The following ATL1 variants were observed in gnomAD, a reference collection of about 807,000 sequenced individuals.
ATL1 encodes the protein atlastin-1.
Under a neutral mutation model 75.5 loss-of-function variants are expected in ATL1, and 31 were observed. The ratio of observed to expected loss-of-function variants is 0.41; its 90% confidence interval spans 0.31 to 0.55. ATL1 has a LOEUF of 0.55. Among genes scored for constraint, ATL1 ranks in the 20% least tolerant of loss-of-function variants. The pLI, the probability that ATL1 is intolerant of heterozygous loss-of-function variation, is 0.27. For synonymous variants in ATL1, 226 were observed against 233.3 expected, an observed-to-expected ratio of 0.97 and a Z score of 0.28; for missense variants, 405 against 662.6, an observed-to-expected ratio of 0.61 and a Z score of 4.27.
At chr14:50,628,658 T>A (rs2039546925) in intron 12 of ATL1, 196 bp downstream of exon 12, 1 of 718,914 alleles carries the variant, frequency 1.4e-6, no homozygotes, top group Admixed American at 2.0e-5. Flanking sequence ...ACAACTATTT[T>A]CCAGTTAACA....
chr14:50,629,980 C>T lies in ATL1; in HGVS notation c.1552-15C>T. On this transcript the variant is annotated splice_polypyrimidine_tract_variant and intron_variant, in intron 12 of 13. Transcript: ENST00000358385. The stretch of plus-strand genomic sequence containing the variant: ...TATACTTTTCTTTTTTCTTTTTAAT[C>T]TGCCTTTGCCACAGGGAAGTACAAA... The T allele has an allele frequency of 6.3e-7, 1 of 1,584,716 alleles. No homozygotes were observed. The highest frequency in any genetic ancestry group is 8.6e-7 in the Non-Finnish European group (1 of 1,161,526).
In ATL1 at chr14:50,621,844, C is replaced by T. The variant is rs573010386; in HGVS notation, c.992C>T (p.Ala331Val). The part of the protein sequence containing the change: ...TCRGLVEYFK[A>V]YIKIYQGEEL... ...ATGAATCTTTTTCTTTTTTTTTAGG[C>T]TTATATAAAGATCTATCAAGGTGAA... Residue 331 changes from alanine (A) to valine (V), a missense_variant and splice_region_variant, in exon 10 of 14, where the codon GCT becomes GTT. Transcript: ENST00000358385. 1.9e-6 allele frequency: 3 copies of T among 1,568,820 alleles called. No individual in the cohort carries two copies. Among genetic ancestry groups the T allele is most frequent in the Admixed American group, 3.4e-5 (2 of 59,426 alleles).
At chr14:50,535,848 C>T (rs1466917562) in intron 1 of ATL1, among the ~76,000 whole-genome samples, 1 of 152,120 alleles carries the variant, frequency 6.6e-6, no homozygotes, top group Non-Finnish European at 1.5e-5. Flanking sequence ...TGAATTCCCA[C>T]GTGTTGTGGG....
chr14:50,553,270 CAA>C (rs35423067), intron 1 of ATL1, among the ~76,000 whole-genome samples: 10 of 103,126 alleles, frequency 9.7e-5, no homozygotes, highest in Middle Eastern at 4.8e-3. Context: ...GACTCCGTTT[CAA>C]AAAAAAAAAA....
chr14:50,540,220 A>G (rs185925696), intron 1 of ATL1, among the ~76,000 whole-genome samples: 3 of 152,350 alleles, frequency 2.0e-5, no homozygotes, highest in African/African-American at 4.8e-5. Context: ...TTTGATTGCA[A>G]GGATAGGTGG....
chr14:50,572,334 A>G (rs988254480), intron 1 of ATL1, among the ~76,000 whole-genome samples: 4 of 151,952 alleles, frequency 2.6e-5, no homozygotes, highest in African/African-American at 9.7e-5. Context: ...AGTCTATTAA[A>G]CCTCCTGGAC....
chr14:50,631,423 G>A (rs1169182269), intron 13 of ATL1, among the ~76,000 whole-genome samples: 1 of 152,010 alleles, frequency 6.6e-6, no homozygotes, highest in East Asian at 1.9e-4. Context: ...GACTCTTTAC[G>A]AACTCCAGAA....
chr14:50,628,674 G>T, intron 12 of ATL1: 1 of 704,724 alleles, frequency 1.4e-6, no homozygotes, highest in East Asian at 2.8e-5. Context: ...TAACATTTCA[G>T]CATTTAAAAA....
intron 1 of ATL1, among the ~76,000 whole-genome samples, chr14:50,581,444 T>C (rs1320682333): frequency 1.3e-5 from 2 of 152,166 alleles, no homozygotes; most frequent in Non-Finnish European, 2.9e-5. Context: ...TAATGGCTTT[T>C]CATAAAGCTA....
chr14:50,538,351 C>T (rs1466968426), intron 1 of ATL1, among the ~76,000 whole-genome samples: 6 of 152,110 alleles, frequency 3.9e-5, no homozygotes, highest in South Asian at 2.1e-4. Context: ...GTCTTGGGTA[C>T]GTCTTTATCA....
chr14:50,551,448 AAAG>A (rs1417615344), intron 1 of ATL1, among the ~76,000 whole-genome samples: 7 of 152,200 alleles, frequency 4.6e-5, no homozygotes, highest in Admixed American at 2.0e-4. Context: ...TCAGACATTC[AAAG>A]AAGAATTGGT....
upstream of ATL1, among the ~76,000 whole-genome samples, chr14:50,555,524 T>A (rs2038755508): frequency 6.6e-6 from 1 of 152,210 alleles, no homozygotes. Context: ...GCTCAGGCAA[T>A]CTGCCCGCCT....
intron 1 of ATL1, 40 bp downstream of exon 1, chr14:50,560,339 C>G (rs372224898): frequency 6.2e-7 from 1 of 1,609,138 alleles, no homozygotes; most frequent in Non-Finnish European, 8.5e-7. Flanking sequence ...TGCACGGGGT[C>G]TTCTGGCCCT....
At chr14:50,536,959 A>G (rs774756230) in intron 1 of ATL1, among the ~76,000 whole-genome samples, 29 of 152,272 alleles carry the variant, frequency 1.9e-4, no homozygotes, top group Non-Finnish European at 3.8e-4. Flanking sequence ...TTTTCTGAGG[A>G]AAAATTCAAG....
intron 11 of ATL1, 98 bp downstream of exon 11, chr14:50,623,346 C>A: frequency 1.1e-6 from 1 of 931,612 alleles, no homozygotes; most frequent in Non-Finnish European, 1.7e-6. Context: ...TACACACATG[C>A]AATGAGGTGG....
chr14:50,608,236 CTG>C (rs2039332885), intron 6 of ATL1, among the ~76,000 whole-genome samples: 1 of 151,734 alleles, frequency 6.6e-6, no homozygotes, highest in Non-Finnish European at 1.5e-5. Context: ...TGTAGAAAAA[CTG>C]ATGGATTTTG....
At chr14:50,554,971 G>A (rs1358461958) in intron 1 of ATL1, among the ~76,000 whole-genome samples, 1 of 152,200 alleles carries the variant, frequency 6.6e-6, no homozygotes, top group Non-Finnish European at 1.5e-5. Context: ...ATTTTCCAAT[G>A]TCTATTTCCC....
chr14:50,537,128 A>G (rs1365586424), intron 1 of ATL1, among the ~76,000 whole-genome samples: 1 of 152,198 alleles, frequency 6.6e-6, no homozygotes, highest in Non-Finnish European at 1.5e-5. Context: ...GGCTAGGCCC[A>G]GGGTCCCTGT....
At chr14:50,603,492 C>T (rs1241186727) in intron 6 of ATL1, among the ~76,000 whole-genome samples, 2 of 152,064 alleles carry the variant, frequency 1.3e-5, no homozygotes, top group South Asian at 4.1e-4. Context: ...GAAGGGGAAG[C>T]ATATAATAAT....
Sources: gnomAD v4.1 joint callset for allele counts (sites outside exome capture counted in the v4.1 genomes callset) on GRCh38, gnomAD v4.1.1 for gene constraint, MANE v1.5 for transcripts, NCBI Gene and HGNC (gene_info 2026-07-23, HGNC 2026-07-21) for gene names.